LTBP2: variants seen among roughly 807,000 people sequenced by gnomAD.
The protein encoded by LTBP2 is latent-transforming growth factor beta-binding protein 2.
A neutral mutation model predicts 210.6 loss-of-function variants in LTBP2; 103 were observed. The observed-to-expected ratio is 0.49, with a 90% confidence interval of 0.42 to 0.58. LTBP2 has a LOEUF of 0.58. Ranked by LOEUF, LTBP2 falls within the 20% of genes least tolerant of loss-of-function variation. LTBP2 has a pLI of 0.00. For missense variants in LTBP2, 2,313 were observed against 2,494.5 expected, an observed-to-expected ratio of 0.93 and a Z score of 1.55; for synonymous variants, 1,007 against 1,015.0, an observed-to-expected ratio of 0.99 and a Z score of 0.15.
At chr14:74,549,468 G>C (rs2087620289) in intron 8 of LTBP2, among the ~76,000 whole-genome samples, 1 of 152,216 alleles carries the variant, frequency 6.6e-6, no homozygotes, top group African/African-American at 2.4e-5. Flanking sequence ...CAGGAGGTAA[G>C]GAGATAAAGA....
chr14:74,525,136 G>C lies in LTBP2; in HGVS notation c.2518C>G (p.Leu840Val). 1 of 1,330,666 alleles carries C rather than the reference G, an allele frequency of 7.5e-7. No individual in the cohort carries two copies. Among genetic ancestry groups the C allele is most frequent in the Middle Eastern group, 2.0e-4 (1 of 4,974 alleles). The allele number at this position is 1,330,666 out of a possible 1,614,324, so 82.4% of individuals were successfully genotyped here. A position where few individuals can be genotyped will look rare whatever the true frequency, so the allele number is the denominator to read the frequency against. Residue 840 changes from leucine (L) to valine (V), a missense_variant, in exon 15 of 36, where the codon CTG becomes GTG. Coordinates refer to ENST00000261978, the MANE Select transcript of LTBP2 (RefSeq NM_000428.3). ...TGGCTGCAGCTACCTGGGGTGCTCA[G>C]GGTCACCAGCACATCAGTGGAGGGG... ...VTPSTDVLVTLSTPGIDRCAA... is the reference protein window; with the variant it reads ...VTPSTDVLVTVSTPGIDRCAA...
intron 18 of LTBP2, among the ~76,000 whole-genome samples, chr14:74,516,322 G>C (rs1483755852): frequency 6.7e-6 from 1 of 148,386 alleles, no homozygotes; most frequent in Non-Finnish European, 1.5e-5. Flanking sequence ...TTCTGGCTGG[G>C]TCTGGGAAAG....
At chr14:74,551,935 T>C (rs1325093621) in intron 6 of LTBP2, among the ~76,000 whole-genome samples, 1 of 152,220 alleles carries the variant, frequency 6.6e-6, no homozygotes, top group South Asian at 2.1e-4. Flanking sequence ...ACCCTGCCCT[T>C]ACACTGTTTT....
intron 12 of LTBP2, among the ~76,000 whole-genome samples, chr14:74,527,788 G>A (rs1368842801): frequency 6.6e-6 from 1 of 152,212 alleles, no homozygotes; most frequent in African/African-American, 2.4e-5. Flanking sequence ...TTGGGCCAGG[G>A]GAACAGTTTG....
At chr14:74,604,610 A>G (rs540964358) in intron 1 of LTBP2, among the ~76,000 whole-genome samples, 3 of 147,306 alleles carry the variant, frequency 2.0e-5, no homozygotes, top group African/African-American at 7.6e-5. Context: ...CAATGTCGTG[A>G]TCTCGGCTCA....
intron 13 of LTBP2, among the ~76,000 whole-genome samples, 177 bp downstream of exon 13, chr14:74,527,170 A>G (rs1377374357): frequency 6.6e-6 from 1 of 152,228 alleles, no homozygotes; most frequent in African/African-American, 2.4e-5. Context: ...CCTTTAGGGT[A>G]AAACTGGGTC....
At chr14:74,566,029 G>C (rs559747017) in intron 3 of LTBP2, among the ~76,000 whole-genome samples, 1 of 151,442 alleles carries the variant, frequency 6.6e-6, no homozygotes, top group Non-Finnish European at 1.5e-5. Flanking sequence ...TCATCCCACA[G>C]TTTGCGCTTT....
intron 2 of LTBP2, among the ~76,000 whole-genome samples, chr14:74,596,307 G>T (rs1252095115): frequency 1.3e-5 from 2 of 152,132 alleles, no homozygotes; most frequent in Non-Finnish European, 2.9e-5. Context: ...GTACGTGAGG[G>T]ATGGAGGAGA....
chr14:74,590,499 G>A (rs1025954593), intron 2 of LTBP2, among the ~76,000 whole-genome samples: 1 of 152,168 alleles, frequency 6.6e-6, no homozygotes, highest in African/African-American at 2.4e-5. Flanking sequence ...CAGCTACTCG[G>A]GAGGCTGAGG....
chr14:74,575,963 G>A (rs1362304528), intron 3 of LTBP2, among the ~76,000 whole-genome samples: 1 of 152,152 alleles, frequency 6.6e-6, no homozygotes, highest in Non-Finnish European at 1.5e-5. Flanking sequence ...AGTCATGGGG[G>A]CTCTTCTAAG....
At chr14:74,596,946 G>A (rs1595299767) in intron 2 of LTBP2, among the ~76,000 whole-genome samples, 1 of 111,476 alleles carries the variant, frequency 9.0e-6, no homozygotes, top group Admixed American at 9.2e-5. Flanking sequence ...AAAGACTGAA[G>A]GTCAGACAAG....
chr14:74,564,235 ATATATATTTATATATATTTATATATATT>A, intron 3 of LTBP2, among the ~76,000 whole-genome samples: 1 of 32,228 alleles, frequency 3.1e-5, no homozygotes, highest in African/African-American at 1.3e-4. Context: ...ATATATATTT[ATATATATTTATATATATTTATATATATT>A]TATATATATT....
intron 18 of LTBP2, among the ~76,000 whole-genome samples, chr14:74,514,692 G>A (rs904181874): frequency 3.9e-5 from 6 of 152,174 alleles, no homozygotes; most frequent in African/African-American, 9.7e-5. Context: ...GTCCCGGTAC[G>A]ACGGAAATGC....
rs978588508 is a variant in LTBP2, at chr14:74,612,205, G to C, written c.-261C>G. ...GCGCCTCCTCCCTGTGCCTGCAGCC[G>C]TCTGAAGGGGACCCGGACGGTTTTA... On this transcript the variant is annotated 5_prime_UTR_variant, in exon 1 of 36. Transcript: ENST00000261978. 19 of 471,658 alleles carry C rather than the reference G, an allele frequency of 4.0e-5. No homozygotes were observed. The highest frequency in any genetic ancestry group is 6.7e-5 in the Non-Finnish European group (18 of 270,460). 29.2% of individuals were successfully genotyped at this position (471,658 alleles called of 1,614,324 possible).
chr14:74,604,226 G>A (rs1447287101), intron 1 of LTBP2, among the ~76,000 whole-genome samples: 1 of 146,182 alleles, frequency 6.8e-6, no homozygotes, highest in Admixed American at 6.9e-5. Context: ...CCCTACCAAT[G>A]CTGACGATCC....
Position 74,502,925 on chromosome 14 carries a change from G to A in LTBP2, c.4898C>T (p.Ala1633Val), listed in dbSNP as rs2086929812. ...AATGCGAGCCACGTTGCACAGCTGAGCATAGACCTCTGTCAGGGAGGAGGG... is the reference window on the plus strand; with the variant it reads ...AATGCGAGCCACGTTGCACAGCTGAACATAGACCTCTGTCAGGGAGGAGGG... ...LCPPRSSEVY[A>V]QLCNVARIEA... Residue 1633 changes from alanine to valine, a missense_variant, in exon 34 of 36, where the codon GCT (alanine) becomes GTT (valine). Physicochemically the swap from Ala to Val is moderately conservative, Grantham distance 64. Transcript: ENST00000261978. The A allele has an allele frequency of 1.9e-6, 3 of 1,611,930 alleles. No homozygotes were observed. Among genetic ancestry groups the A allele is most frequent in the Middle Eastern group, 2.1e-4 (1 of 4,754 alleles).
chr14:74,540,808 TAA>T (rs1491160032), intron 8 of LTBP2, among the ~76,000 whole-genome samples: 2 of 6,328 alleles, frequency 3.2e-4, no homozygotes, highest in African/African-American at 3.7e-4. Context: ...TATATATATA[TAA>T]TATATATATA....
At position 74,500,839 on chromosome 14, in the gene LTBP2, G is replaced by A. The variant is rs761300537; in HGVS notation, c.*45C>T. ...AATCATCCTCAAGGCCCCTGCCTGT[G>A]ACTGGAGGCCATTTCCAGGTAGTTG... is the stretch of plus-strand genomic sequence containing the variant. On this transcript the variant is annotated 3_prime_UTR_variant, in exon 36 of 36. Transcript: ENST00000261978. 4.3e-6 allele frequency: 7 copies of A among 1,611,814 alleles called. No individual in the cohort carries two copies. The highest frequency in any genetic ancestry group is 5.9e-6 in the Non-Finnish European group (7 of 1,179,084).
chr14:74,532,579 C>T (rs370817059), intron 9 of LTBP2, 31 bp from the exon 10 acceptor site: 51 of 1,612,316 alleles, frequency 3.2e-5, no homozygotes, highest in African/African-American at 4.0e-5. Context: ...ACCAAGTGCC[C>T]GCCCCACGGA....
Sources: gnomAD v4.1 joint callset for allele counts (sites outside exome capture counted in the v4.1 genomes callset) on GRCh38, gnomAD v4.1.1 for gene constraint, MANE v1.5 for transcripts, NCBI Gene and HGNC (gene_info 2026-07-23, HGNC 2026-07-21) for gene names.